The following CAMKK2 variants were observed in gnomAD, a reference collection of about 807,000 sequenced individuals.
CAMKK2 encodes calcium/calmodulin-dependent protein kinase kinase 2.
Under a neutral mutation model 67.2 loss-of-function variants are expected in CAMKK2, and 30 were observed. The observed-to-expected ratio is 0.45, with a 90% CI of 0.33 to 0.61. CAMKK2 has a LOEUF of 0.61. Among genes scored for constraint, CAMKK2 ranks in the 20% least tolerant of loss-of-function variants. The pLI is 0.02. For synonymous variants in CAMKK2, 322 were observed against 326.2 expected (o/e 0.99, Z 0.14); for missense variants, 643 against 802.0 (o/e 0.80, Z 2.39).
intron 1 of CAMKK2, among the ~76,000 whole-genome samples, chr12:121,284,190 C>T (rs1031723645): frequency 2.6e-5 from 4 of 152,274 alleles, no homozygotes; most frequent in African/African-American, 7.2e-5. Flanking sequence ...TGGTCACCTG[C>T]TCTGACCATT....
upstream of CAMKK2, chr12:121,297,795 G>T: frequency 2.2e-6 from 1 of 462,500 alleles, no homozygotes; most frequent in South Asian, 1.5e-5. Flanking sequence ...TGCTTCTCTT[G>T]TATTTCTAGG....
Position 121,248,725 on chromosome 12 carries a change from AG to A in CAMKK2, c.1332del (p.Trp445GlyfsTer22), listed in dbSNP as rs1451195413. The A allele has an allele frequency of 6.2e-7, 1 of 1,613,904 alleles. No homozygotes were observed. Among genetic ancestry groups the A allele is most frequent in the Non-Finnish European group, 8.5e-7 (1 of 1,179,982 alleles). On this transcript the variant is annotated frameshift_variant, in exon 14 of 17. Transcript: ENST00000404169. LOFTEE classifies it high-confidence loss of function. ...RIVVPEIKLH[P>X]WVTRHGAEPL... ...GGCTCCGCCCCATGCCTCGTGACCC[AG>A]GGGTGCAGCTTCAACGAACGACAGG...
At chr12:121,255,481 C>G in intron 9 of CAMKK2, 69 bp downstream of exon 9, 2 of 1,330,900 alleles carry the variant, frequency 1.5e-6, no homozygotes, top group Non-Finnish European at 2.1e-6. Context: ...AAGACACTTT[C>G]CACTTTGCAC....
chr12:121,288,668 G>C (rs1274929547), intron 1 of CAMKK2, among the ~76,000 whole-genome samples: 1 of 151,998 alleles, frequency 6.6e-6, no homozygotes, highest in Non-Finnish European at 1.5e-5. Flanking sequence ...CACCCGCTGG[G>C]TTCCTGCCTC....
chr12:121,250,218 C>A (rs1566046162), intron 11 of CAMKK2, among the ~76,000 whole-genome samples, 184 bp from the exon 12 acceptor site: 1 of 152,094 alleles, frequency 6.6e-6, no homozygotes, highest in Non-Finnish European at 1.5e-5. Context: ...TGGGGCCTGG[C>A]CGACGCAGGG....
In CAMKK2 at chr12:121,249,298, G is replaced by C. The variant is rs1016674893; in HGVS notation, c.1323+489C>G. Among the ~76,000 whole-genome samples, 20 of 152,224 alleles carry C rather than the reference G, an allele frequency of 1.3e-4. 1 individual carries two copies. Among genetic ancestry groups the C allele is most frequent in the Admixed American group, 3.3e-4 (5 of 15,292 alleles). ...CCAGGGCAAATCTCTAGATTTCCTA[G>C]AGGGCCAGATATATGTGTGTGGCAT... On this transcript the variant is annotated intron_variant, in intron 13 of 16. Coordinates refer to ENST00000404169, the MANE Select transcript of CAMKK2 (RefSeq NM_001270485.2).
At position 121,253,186 on chromosome 12, in the gene CAMKK2, G is replaced by T; in HGVS notation, c.1107+87C>A. The T allele has an allele frequency of 8.6e-7, 1 of 1,165,374 alleles. No homozygotes were observed. Among genetic ancestry groups the T allele is most frequent in the Non-Finnish European group, 1.3e-6 (1 of 789,934 alleles). 72.2% of individuals were successfully genotyped at this position (1,165,374 alleles called of 1,614,324 possible). A position where few individuals can be genotyped will look rare whatever the true frequency, so the allele number is the denominator to read the frequency against. On this transcript the variant is annotated intron_variant, in intron 10 of 16. Transcript: ENST00000404169. This position sits in a 1 kb window ranked among gnomAD's most constrained non-coding sequence, Gnocchi z 5.0. ...TTGATCCAGGGGATTCACTGTTTAA[G>T]CCTGTGTGCGTTGGGTTTCTGCTGC...
At chr12:121,279,024 T>G (rs758357304) in intron 1 of CAMKK2, among the ~76,000 whole-genome samples, 7 of 152,216 alleles carry the variant, frequency 4.6e-5, no homozygotes, top group Non-Finnish European at 1.0e-4. Flanking sequence ...GGCTGAGCAG[T>G]GCCTGGGAAA....
intron 5 of CAMKK2, among the ~76,000 whole-genome samples, chr12:121,266,499 GTT>G (rs144456553): frequency 1.4e-5 from 2 of 142,756 alleles, no homozygotes; most frequent in Non-Finnish European, 1.5e-5. Context: ...GTTAGGATGG[GTT>G]TTTTTTTTTT....
chr12:121,260,405 AAGAG>A (rs777637206), intron 6 of CAMKK2, 50 bp from the exon 7 acceptor site: 6 of 1,564,468 alleles, frequency 3.8e-6, no homozygotes, highest in South Asian at 2.3e-5. Flanking sequence ...GGGGGAGAAA[AAGAG>A]AGAATAGATA....
At position 121,249,731 on chromosome 12, in the gene CAMKK2, A is replaced by AG. The variant is rs1293857134; in HGVS notation, c.1323+55dup. ...GACACAAGGGTGTGGGGTCTGGCTG[A>AG]GGCATGGCTGAGCCAAACAATTCCG... On this transcript the variant is annotated intron_variant, in intron 13 of 16. Coordinates refer to ENST00000404169, the MANE Select transcript of CAMKK2 (RefSeq NM_001270485.2). 41 of 1,423,810 alleles carry AG rather than the reference A, an allele frequency of 2.9e-5. No homozygotes were observed. In the African/African-American group the frequency reaches 5.2e-4, roughly 18 times the overall value. The allele number at this position is 1,423,810 out of a possible 1,614,324, so 88.2% of individuals were successfully genotyped here.
chr12:121,294,237 G>A (rs1900695142), intron 1 of CAMKK2, among the ~76,000 whole-genome samples: 1 of 151,964 alleles, frequency 6.6e-6, no homozygotes, highest in South Asian at 2.1e-4. Flanking sequence ...CCAGCCAGGG[G>A]AGGGTGATTC....
intron 1 of CAMKK2, among the ~76,000 whole-genome samples, chr12:121,275,489 C>CA (rs10669562): frequency 0.28 from 17,602 of 63,508 alleles, 2,619 homozygotes; most frequent in Middle Eastern, 0.39. Context: ...AAGACTGTCT[C>CA]AAAAAAAAAA....
intron 1 of CAMKK2, among the ~76,000 whole-genome samples, chr12:121,276,246 T>C (rs1401553787): frequency 6.7e-6 from 1 of 149,262 alleles, no homozygotes; most frequent in Admixed American, 6.7e-5. Flanking sequence ...GGCAGGTGGA[T>C]CACCTGAGGT....
At chr12:121,290,816 G>A (rs1899849849) in intron 1 of CAMKK2, among the ~76,000 whole-genome samples, 1 of 152,096 alleles carries the variant, frequency 6.6e-6, no homozygotes. Flanking sequence ...TGTTGTTATT[G>A]TTTTGTGGTT....
At chr12:121,297,227 C>T (rs1457666428), upstream of CAMKK2, 3 of 184,788 alleles carry the variant, frequency 1.6e-5, no homozygotes, top group Non-Finnish European at 3.5e-5. Context: ...GGGAAAGTTC[C>T]CCCAAGCCGG....
At chr12:121,282,296 G>A (rs1297007816) in intron 1 of CAMKK2, among the ~76,000 whole-genome samples, 1 of 152,096 alleles carries the variant, frequency 6.6e-6, no homozygotes, top group Non-Finnish European at 1.5e-5. Context: ...GTGGGAAGTG[G>A]ATGATGATGA....
chr12:121,288,017 G>A (rs1217611883), intron 1 of CAMKK2, among the ~76,000 whole-genome samples: 1 of 152,152 alleles, frequency 6.6e-6, no homozygotes, highest in Non-Finnish European at 1.5e-5. Flanking sequence ...AAAACCAGGT[G>A]TGCATGGGTG....
rs2136112018 is a variant in CAMKK2 at position 121,240,210 on chromosome 12, G to A, written c.*489C>T. ...CCTGCTCTGACTCCTTGAGACCACG[G>A]CTCTGGAAGGTGCCATGGTTTCCGG... On this transcript the variant is annotated 3_prime_UTR_variant, in exon 17 of 17. Transcript: ENST00000404169. This position sits in a 1 kb window ranked among gnomAD's most constrained non-coding sequence, Gnocchi z 4.4. 2 of 581,772 alleles carry A rather than the reference G, an allele frequency of 3.4e-6. No individual in the cohort carries two copies. Among genetic ancestry groups the A allele is most frequent in the South Asian group, 4.3e-5 (2 of 46,752 alleles). 36.0% of individuals were successfully genotyped at this position (581,772 alleles called of 1,614,324 possible).
Sources: allele counts gnomAD v4.1 joint callset (sites outside exome capture counted in the v4.1 genomes callset), GRCh38; gene constraint gnomAD v4.1.1; non-coding constraint Gnocchi (gnomAD v3.1); transcripts MANE v1.5; gene names NCBI Gene and HGNC (gene_info 2026-07-23, HGNC 2026-07-21).